SIPA1L2: variants seen among roughly 807,000 people sequenced by gnomAD.
The protein encoded by SIPA1L2 is signal-induced proliferation-associated 1-like protein 2.
SIPA1L2 carries 56 observed loss-of-function variants against 163.9 expected under a neutral mutation model. The ratio of observed to expected loss-of-function variants is 0.34; its 90% CI spans 0.28 to 0.43. The LOEUF (loss-of-function observed/expected upper bound fraction) is 0.43. Ranked by LOEUF, SIPA1L2 falls within the 20% of genes least tolerant of loss-of-function variation. The pLI, the probability that SIPA1L2 is intolerant of heterozygous loss-of-function variation, is 1.00. For missense variants in SIPA1L2, 1,974 were observed against 2,193.5 expected (o/e 0.90, Z 2.00); for synonymous variants, 877 against 865.7 (o/e 1.01, Z -0.23).
At chr1:232,496,479 T>C (rs538880260) in intron 3 of SIPA1L2, among the ~76,000 whole-genome samples, 62 of 151,490 alleles carry the variant, frequency 4.1e-4, no homozygotes, top group African/African-American at 1.3e-3. Flanking sequence ...AAGGTAACTA[T>C]TACAAACATA....
intron 15 of SIPA1L2, among the ~76,000 whole-genome samples, chr1:232,435,333 G>A (rs950195412): frequency 6.6e-6 from 1 of 152,186 alleles, no homozygotes; most frequent in African/African-American, 2.4e-5. Flanking sequence ...ACTGTAAGAT[G>A]TTTTAAAGTT....
At chr1:232,402,352 T>C in intron 22 of SIPA1L2, 40 bp downstream of exon 22, 1 of 1,580,450 alleles carries the variant, frequency 6.3e-7, no homozygotes, top group Non-Finnish European at 8.6e-7. Context: ...GCTGATTTTA[T>C]AAGAGAAACA....
In SIPA1L2 at chr1:232,461,095, A is replaced by G. The variant is rs774923977; in HGVS notation, c.2887T>C (p.Phe963Leu). 1 of 1,614,278 alleles carries G rather than the reference A, an allele frequency of 6.2e-7. No homozygotes were observed. ...LRRNGLGQLG[F>L]HVNFEGIVAD... The stretch of plus-strand genomic sequence containing the variant: ...ACAATTCCTTCAAAATTCACATGGA[A>G]GCCAAGCTGGCCCAGCCCGTTCCTC... The change falls in exon 10 of 23, where the codon TTC becomes CTC. Residue 963 changes from phenylalanine to leucine, a missense_variant. This residue lies in a region of SIPA1L2 where 1,079 missense variants were observed against 1,150.7 expected (regional missense o/e 0.94). Coordinates refer to ENST00000674635, the MANE Select transcript of SIPA1L2 (RefSeq NM_020808.5).
Position 232,402,446 on chromosome 1 carries a change from C to T in SIPA1L2, c.4968G>A (p.Gly1656=), listed in dbSNP as rs773581523. Residue 1656 remains glycine (G), a synonymous_variant, in exon 22 of 23, where the codon GGG becomes GGA. Transcript: ENST00000674635. ...GAATTAATTCCAGCTGATTGACTTT[C>T]CCGGTCAGTGGTGATGGAGAACGCT... The part of the protein sequence containing the change: ...TGERSPSPLT[G]KVNQLELILR... 1 of 1,613,494 alleles carries T rather than the reference C, an allele frequency of 6.2e-7. No individual in the cohort carries two copies. Among genetic ancestry groups the T allele is most frequent in the Non-Finnish European group, 8.5e-7 (1 of 1,179,626 alleles).
intron 1 of SIPA1L2, among the ~76,000 whole-genome samples, chr1:232,623,642 G>A (rs1240789781): frequency 6.6e-6 from 1 of 151,888 alleles, no homozygotes; most frequent in Non-Finnish European, 1.5e-5. Context: ...AAAAACAGCT[G>A]AGTTCAATTA....
At chr1:232,440,116 T>C (rs1662802838) in intron 14 of SIPA1L2, among the ~76,000 whole-genome samples, 1 of 152,144 alleles carries the variant, frequency 6.6e-6, no homozygotes, top group Non-Finnish European at 1.5e-5. Context: ...CTTTAAGAAA[T>C]GGGAGTCTAT....
chr1:232,541,854 T>TAAAA (rs10585668), intron 2 of SIPA1L2, among the ~76,000 whole-genome samples: 1 of 135,678 alleles, frequency 7.4e-6, no homozygotes. Flanking sequence ...CCTACAGATT[T>TAAAA]AAAAAAAAAA....
At chr1:232,544,390 C>G (rs980124995) in intron 2 of SIPA1L2, among the ~76,000 whole-genome samples, 4 of 151,990 alleles carry the variant, frequency 2.6e-5, no homozygotes, top group Admixed American at 2.0e-4. Flanking sequence ...TGAAACCCAC[C>G]TCTACTAAAA....
chr1:232,436,327 C>T (rs933279969), intron 15 of SIPA1L2, among the ~76,000 whole-genome samples: 6 of 152,154 alleles, frequency 3.9e-5, no homozygotes, highest in African/African-American at 1.4e-4. Context: ...CGATAAGTGG[C>T]CTTCTTGTGG....
intron 2 of SIPA1L2, among the ~76,000 whole-genome samples, chr1:232,571,608 T>C (rs112814150): frequency 7.7e-4 from 117 of 152,338 alleles, no homozygotes; most frequent in African/African-American, 2.7e-3. Context: ...TGTTGAAATG[T>C]GATCCCAGGG....
At chr1:232,471,929 G>T (rs921075251) in intron 7 of SIPA1L2, among the ~76,000 whole-genome samples, 1 of 152,136 alleles carries the variant, frequency 6.6e-6, no homozygotes, top group African/African-American at 2.4e-5. Flanking sequence ...TCACACCGGC[G>T]GGCTTCAGCT....
At chr1:232,415,035 A>G (rs1054979958) in intron 19 of SIPA1L2, among the ~76,000 whole-genome samples, 1 of 152,246 alleles carries the variant, frequency 6.6e-6, no homozygotes, top group Non-Finnish European at 1.5e-5. Context: ...TGCATGGGTC[A>G]AGCCAATCAC....
chr1:232,402,994 T>C (rs1356719432), intron 21 of SIPA1L2, among the ~76,000 whole-genome samples: 4 of 151,230 alleles, frequency 2.6e-5, no homozygotes, highest in Non-Finnish European at 5.9e-5. Context: ...GTTCCCAACA[T>C]ATTTCAGTGG....
intron 20 of SIPA1L2, 72 bp downstream of exon 20, chr1:232,404,053 C>T (rs1003191780): frequency 1.6e-5 from 24 of 1,544,786 alleles, no homozygotes; most frequent in Middle Eastern, 1.7e-4. Context: ...ACCATGCAGA[C>T]GTGCAGACAC....
chr1:232,399,297 A>C (rs1660192291), intron 22 of SIPA1L2, 24 bp from the exon 23 acceptor site: 1 of 1,609,968 alleles, frequency 6.2e-7, no homozygotes, highest in East Asian at 2.2e-5. Context: ...AAATAAACTG[A>C]GTCATGGAGA....
intron 2 of SIPA1L2, among the ~76,000 whole-genome samples, chr1:232,573,505 T>C (rs1311369672): frequency 6.6e-6 from 1 of 152,186 alleles, no homozygotes; most frequent in Non-Finnish European, 1.5e-5. Flanking sequence ...GGAATCCATT[T>C]TTGACAATCC....
chr1:232,538,643 T>C (rs1657455025), intron 2 of SIPA1L2, among the ~76,000 whole-genome samples: 1 of 152,108 alleles, frequency 6.6e-6, no homozygotes, highest in Admixed American at 6.6e-5. Context: ...TAATTCCTAC[T>C]TCATATAATC....
At chr1:232,484,048 G>C in intron 5 of SIPA1L2, 82 bp from the exon 6 acceptor site, 1 of 1,345,980 alleles carries the variant, frequency 7.4e-7, no homozygotes, top group Non-Finnish European at 1.0e-6. Flanking sequence ...TACAGAAGCT[G>C]AGAATTGTTC....
At chr1:232,608,649 A>G (rs1662088581) in intron 1 of SIPA1L2, among the ~76,000 whole-genome samples, 1 of 152,192 alleles carries the variant, frequency 6.6e-6, no homozygotes, top group Non-Finnish European at 1.5e-5. Flanking sequence ...GAGTTACTAA[A>G]GATGTTTCTC....
Sources: gnomAD v4.1 joint callset for allele counts (sites outside exome capture counted in the v4.1 genomes callset) on GRCh38, gnomAD v4.1.1 for gene constraint, gnomAD v4.1.1 regional missense constraint, MANE v1.5 for transcripts, NCBI Gene and HGNC (gene_info 2026-07-23, HGNC 2026-07-21) for gene names.